The following OR51B5 variants were observed in gnomAD, a reference collection of about 807,000 sequenced individuals.
The protein encoded by OR51B5 is olfactory receptor family 51 subfamily B member 5.
For synonymous variants in OR51B5, 186 were observed against 144.8 expected (o/e 1.28, Z -2.04); for missense variants, 456 against 374.6 (o/e 1.22, Z -1.79).
intron 1 of OR51B5, among the ~76,000 whole-genome samples, chr11:5,492,518 T>C (rs1166722709): frequency 1.3e-5 from 2 of 152,072 alleles, no homozygotes; most frequent in East Asian, 3.8e-4. Flanking sequence ...TCCCAAAGAG[T>C]TGGAACTTAA....
intron 1 of OR51B5, among the ~76,000 whole-genome samples, chr11:5,425,149 T>G (rs1421583293): frequency 6.6e-6 from 1 of 152,000 alleles, no homozygotes; most frequent in Non-Finnish European, 1.5e-5. Flanking sequence ...ATGGAAGATG[T>G]GCATTCTCAC....
chr11:5,377,234 GAAAAGGCCTTTGAC>G (rs1335168703), intron 1 of OR51B5, among the ~76,000 whole-genome samples: 2 of 152,102 alleles, frequency 1.3e-5, no homozygotes, highest in Non-Finnish European at 2.9e-5. Context: ...AATAGATGCA[GAAAAGGCCTTTGAC>G]AAAATTCAAC....
chr11:5,374,016 C>T (rs1439556624), intron 1 of OR51B5, among the ~76,000 whole-genome samples: 2 of 152,190 alleles, frequency 1.3e-5, no homozygotes, highest in Non-Finnish European at 2.9e-5. Context: ...TGAGAACGGG[C>T]AGACTGCCTC....
At chr11:5,341,147 G>C (rs1044661253), downstream of OR51B5, 4 of 152,174 alleles carry the variant, frequency 2.6e-5, no homozygotes, top group Non-Finnish European at 5.9e-5. Flanking sequence ...ACCTGAGATA[G>C]GGATTCAAAT....
chr11:5,492,842 C>T (rs1851599621), intron 1 of OR51B5, among the ~76,000 whole-genome samples: 1 of 152,112 alleles, frequency 6.6e-6, no homozygotes, highest in Non-Finnish European at 1.5e-5. Flanking sequence ...ACCATGTTGA[C>T]CAGGCTGATC....
At chr11:5,389,867 G>A (rs1237835976) in intron 1 of OR51B5, 1 of 1,613,636 alleles carries the variant, frequency 6.2e-7, no homozygotes, top group Non-Finnish European at 8.5e-7. Flanking sequence ...GGTCAGAGCA[G>A]GCCTAATTGT....
chr11:5,417,234 C>G (rs890568138), intron 1 of OR51B5, among the ~76,000 whole-genome samples: 2 of 148,966 alleles, frequency 1.3e-5, no homozygotes, highest in Admixed American at 6.7e-5. Context: ...ATGTAGAAAG[C>G]TGAAACTGGA....
At position 5,361,542 on chromosome 11, in the gene OR51B5, G is replaced by A. The variant is rs1004813602; in HGVS notation, n.85-14632C>T. Among the ~76,000 whole-genome samples the A allele has an allele frequency of 3.9e-5, 6 of 152,168 alleles. No individual in the cohort carries two copies. The East Asian group carries it at 5.8e-4, about 15-fold the overall frequency. Reference sequence around the variant, plus strand: ...CAGTGTGTCTTGGCCTAGAGGCTCCGCATAGGAATGAGCAGTAGACGGTTG... The same window carrying A: ...CAGTGTGTCTTGGCCTAGAGGCTCCACATAGGAATGAGCAGTAGACGGTTG... On this transcript the variant is annotated intron_variant and non_coding_transcript_variant, in intron 1 of 4. Coordinates refer to the OR51B5 transcript ENST00000415970.
chr11:5,478,010 C>T (rs1288431349), intron 1 of OR51B5, among the ~76,000 whole-genome samples: 5 of 152,072 alleles, frequency 3.3e-5, no homozygotes, highest in Middle Eastern at 3.4e-3. Context: ...GAGCCCACCA[C>T]AGCTCAAGGA....
At chr11:5,365,011 CTTCTTGTCA>C (rs1849344344) in intron 1 of OR51B5, among the ~76,000 whole-genome samples, 1 of 151,840 alleles carries the variant, frequency 6.6e-6, no homozygotes, top group Non-Finnish European at 1.5e-5. Flanking sequence ...GTAACTGCTT[CTTCTTGTCA>C]TTCTTGTCAC....
chr11:5,410,790 C>A (rs1163343676), intron 1 of OR51B5, among the ~76,000 whole-genome samples: 1 of 151,872 alleles, frequency 6.6e-6, no homozygotes, highest in Non-Finnish European at 1.5e-5. Flanking sequence ...CCGTGTAGGT[C>A]TAGGCTAATG....
intron 1 of OR51B5, among the ~76,000 whole-genome samples, chr11:5,387,017 A>G (rs973660882): frequency 2.0e-5 from 3 of 152,190 alleles, no homozygotes; most frequent in African/African-American, 7.2e-5. Context: ...CAGGCCTGAT[A>G]TGTAACGGAG....
intron 1 of OR51B5, among the ~76,000 whole-genome samples, chr11:5,478,486 C>T (rs1353497955): frequency 1.4e-4 from 21 of 151,918 alleles, no homozygotes; most frequent in Non-Finnish European, 1.2e-4. Flanking sequence ...AGTTCCTCAC[C>T]AGCAACGGAA....
At chr11:5,453,572 A>C in intron 1 of OR51B5, 1 of 1,612,176 alleles carries the variant, frequency 6.2e-7, no homozygotes, top group Non-Finnish European at 8.5e-7. Context: ...CCTGGCTGTC[A>C]GGGCCCCTCT....
At chr11:5,493,137 A>G (rs1392958095) in intron 1 of OR51B5, among the ~76,000 whole-genome samples, 4 of 152,178 alleles carry the variant, frequency 2.6e-5, no homozygotes, top group Non-Finnish European at 5.9e-5. Context: ...CTTCCACTAA[A>G]TTGCTGTACA....
At chr11:5,483,751 G>A (rs143967098) in intron 1 of OR51B5, among the ~76,000 whole-genome samples, 2,116 of 151,974 alleles carry the variant, frequency 0.014, 28 homozygotes, top group Non-Finnish European at 0.023. Flanking sequence ...AAATCCTTAG[G>A]GGATGCCACC....
At chr11:5,439,658 G>A (rs973887995) in intron 1 of OR51B5, among the ~76,000 whole-genome samples, 17 of 152,064 alleles carry the variant, frequency 1.1e-4, no homozygotes, top group Admixed American at 3.3e-4. Flanking sequence ...AACAAGTTTC[G>A]ATGCAAAGCT....
intron 1 of OR51B5, among the ~76,000 whole-genome samples, chr11:5,355,787 A>G (rs1849184891): frequency 1.3e-5 from 2 of 151,808 alleles, no homozygotes; most frequent in Non-Finnish European, 2.9e-5. Flanking sequence ...GAGTAGGGTC[A>G]AGGGGTATAG....
intron 1 of OR51B5, among the ~76,000 whole-genome samples, chr11:5,473,484 C>T (rs1177330494): frequency 6.6e-6 from 1 of 152,128 alleles, no homozygotes; most frequent in Non-Finnish European, 1.5e-5. Context: ...TTATAATTAT[C>T]CTGATGCAGA....
Sources: allele counts gnomAD v4.1 joint callset (sites outside exome capture counted in the v4.1 genomes callset), GRCh38; gene constraint gnomAD v4.1.1; transcripts MANE v1.5; gene names NCBI Gene and HGNC (gene_info 2026-07-23, HGNC 2026-07-21).